The following PIEZO1 variants were observed in gnomAD, a reference collection of about 807,000 sequenced individuals.
The protein encoded by PIEZO1 is piezo-type mechanosensitive ion channel component 1.
Under a neutral mutation model 297.2 loss-of-function variants are expected in PIEZO1, and 296 were observed. The ratio of observed to expected loss-of-function variants is 1.00; its 90% CI spans 0.91 to 1.10. The LOEUF is 1.10. Among genes scored for constraint, PIEZO1 ranks in the 50% least tolerant of loss-of-function variants. The pLI is 0.00. For synonymous variants in PIEZO1, 2,427 were observed against 1,507.5 expected (o/e 1.61, Z -14.13); for missense variants, 5,018 against 3,455.5 (o/e 1.45, Z -11.34).
rs1436635750 is a variant in PIEZO1, at chr16:88,721,853, C to T, written c.5169G>A (p.Pro1723=). Residue 1723 remains proline, a synonymous_variant, in exon 37 of 51, where the codon CCG becomes CCA. Coordinates refer to ENST00000301015, the MANE Select transcript of PIEZO1 (RefSeq NM_001142864.4). ...TCATCCAGAAGCGCTTGCTGGGCCT[C>T]GGGATCGACAGCATGGCCCACAGGA... is the stretch of plus-strand genomic sequence containing the variant. ...LVFLWAMLSI[P]RPSKRFWMTA... 17 of 1,549,434 alleles carry T rather than the reference C, an allele frequency of 1.1e-5. No homozygotes were observed. Among genetic ancestry groups the T allele is most frequent in the African/African-American group, 2.7e-5 (2 of 73,030 alleles).
intron 2 of PIEZO1, among the ~76,000 whole-genome samples, chr16:88,747,711 G>A (rs755389260): frequency 6.6e-6 from 1 of 152,204 alleles, no homozygotes; most frequent in African/African-American, 2.4e-5. Context: ...ATGCAGAGGC[G>A]AGTCCAGGCA....
At chr16:88,757,321 G>GC (rs1244719486) in intron 1 of PIEZO1, among the ~76,000 whole-genome samples, 32 of 122,648 alleles carry the variant, frequency 2.6e-4, no homozygotes, top group African/African-American at 7.2e-4. Context: ...GTTGCTGGCG[G>GC]GGGGGTGGGG....
In PIEZO1 at chr16:88,742,281, C is replaced by T. The variant is rs1346548655; in HGVS notation, c.283+19G>A. 5.9e-6 allele frequency: 9 copies of T among 1,527,254 alleles called. No homozygotes were observed. The highest frequency in any genetic ancestry group is 3.4e-4 in the Middle Eastern group (2 of 5,902). 94.6% of individuals were successfully genotyped at this position (1,527,254 alleles called of 1,614,324 possible). On this transcript the variant is annotated intron_variant, in intron 3 of 50. Coordinates refer to ENST00000301015, the MANE Select transcript of PIEZO1 (RefSeq NM_001142864.4). ...ACCCCCAGGATGGCTATCCCTACCCCGCCCCCTCAGCGACTCACAGCTGGG... is the reference window on the plus strand; with the variant it reads ...ACCCCCAGGATGGCTATCCCTACCCTGCCCCCTCAGCGACTCACAGCTGGG...
rs1037053318 is a variant in PIEZO1, at chr16:88,721,671, T to A, written c.5270A>T (p.His1757Leu). ...GTTCTCGTAGCGCCGCAGCACCACG[T>A]GGCTGTTCCAGGGGAAGAACCCAAA... ...FQFGFFPWNS[H>L]VVLRRYENKP... is the part of the protein sequence containing the mutation. The change falls in exon 38 of 51, where the codon CAC (histidine) becomes CTC (leucine). Residue 1757 changes from histidine (H) to leucine (L), a missense_variant. His to Leu is a moderately conservative substitution (Grantham distance 99). Transcript: ENST00000301015. The A allele has an allele frequency of 1.3e-6, 2 of 1,549,722 alleles. No individual in the cohort carries two copies. The highest frequency in any genetic ancestry group is 2.4e-5 in the East Asian group (1 of 40,888).
At chr16:88,747,688 C>T (rs544475735) in intron 2 of PIEZO1, among the ~76,000 whole-genome samples, 78 of 152,330 alleles carry the variant, frequency 5.1e-4, no homozygotes, top group Non-Finnish European at 9.7e-4. Flanking sequence ...AATCTGTGAA[C>T]GCAGAAGCTC....
intron 22 of PIEZO1, 194 bp downstream of exon 22, chr16:88,731,512 G>A (rs889134431): frequency 3.4e-6 from 2 of 587,824 alleles, no homozygotes; most frequent in Non-Finnish European, 6.1e-6. Context: ...GAGCCTGGAG[G>A]GGGCCAGGCC....
In PIEZO1 at chr16:88,719,894, G is replaced by A. The variant is rs142188206; in HGVS notation, c.6231C>T (p.Ser2077=). 1.6e-4 allele frequency: 250 copies of A among 1,550,442 alleles called. No individual in the cohort carries two copies. In the East Asian group the frequency reaches 2.9e-3, roughly 18 times the overall value. ...YFVKCIYFAL[S]AYQIRCGYPT... is the part of the protein sequence containing the mutation. The stretch of plus-strand genomic sequence containing the variant: ...GGTAGCCGCAGCGGATCTGGTAGGC[G>A]GACAGGGCGAAGTAGATGCACTTCA... Residue 2077 remains serine (S), a synonymous_variant, in exon 43 of 51, where the codon TCC becomes TCT. Transcript: ENST00000301015.
rs1341740397 is a variant in PIEZO1, at chr16:88,733,697, G to C, written c.2378C>G (p.Ala793Gly). Residue 793 changes from alanine (A) to glycine (G), a missense_variant, in exon 18 of 51, where the codon GCC (alanine) becomes GGC (glycine). Physicochemically the swap from Ala to Gly is moderately conservative, Grantham distance 60. Coordinates refer to ENST00000301015, the MANE Select transcript of PIEZO1 (RefSeq NM_001142864.4). ...GCGTGAGAGGACGTCCGAGAAGCCG[G>C]CTGCCAGCTCCAGCAGCCGCTCAGC... ...LVAERLLELA[A>G]GFSDVLSRVQ... The C allele has an allele frequency of 1.9e-6, 3 of 1,548,786 alleles. No homozygotes were observed. The highest frequency in any genetic ancestry group is 2.0e-5 in the Admixed American group (1 of 50,770).
intron 1 of PIEZO1, among the ~76,000 whole-genome samples, chr16:88,752,350 T>G (rs1385379102): frequency 1.3e-5 from 2 of 151,840 alleles, no homozygotes; most frequent in African/African-American, 4.8e-5. Context: ...GGGATGATGG[T>G]GCATGCCTGT....
chr16:88,746,030 G>T (rs1036298137), intron 2 of PIEZO1, among the ~76,000 whole-genome samples: 33 of 152,352 alleles, frequency 2.2e-4, no homozygotes, highest in African/African-American at 7.9e-4. Context: ...GAGTTGCCCT[G>T]AGTCTGATCC....
At chr16:88,778,318 C>T (rs576013524) in intron 1 of PIEZO1, among the ~76,000 whole-genome samples, 2 of 152,264 alleles carry the variant, frequency 1.3e-5, no homozygotes, top group South Asian at 2.1e-4. Context: ...GTGGCTGAGG[C>T]GGCTGCTGTC....
intron 15 of PIEZO1, 47 bp from the exon 16 acceptor site, chr16:88,734,585 C>T: frequency 6.5e-7 from 1 of 1,546,730 alleles, no homozygotes; most frequent in Non-Finnish European, 8.7e-7. Context: ...GGCAGAGCCG[C>T]TGCAGCCCCG....
chr16:88,715,411 C>A lies in PIEZO1; in HGVS notation c.*194G>T. 1 of 942,366 alleles carries A rather than the reference C, an allele frequency of 1.1e-6. No homozygotes were observed. 58.4% of individuals were successfully genotyped at this position (942,366 alleles called of 1,614,324 possible). ...ACTCTACAGTACACGTGGGGGACGG[C>A]AGCGCCACGCAGGCCGTGGGGACGC... On this transcript the variant is annotated 3_prime_UTR_variant, in exon 51 of 51. Transcript: ENST00000301015.
chr16:88,726,107 A>T, intron 27 of PIEZO1, 177 bp downstream of exon 27: 1 of 609,596 alleles, frequency 1.6e-6, no homozygotes, highest in Non-Finnish European at 2.9e-6. Flanking sequence ...ACTGGGGCAG[A>T]GTGTGATGGT....
chr16:88,754,993 G>A (rs984210654), intron 1 of PIEZO1, among the ~76,000 whole-genome samples: 3 of 152,252 alleles, frequency 2.0e-5, no homozygotes, highest in African/African-American at 7.2e-5. Flanking sequence ...CACCTGTTGC[G>A]CCCCAGGGAG....
chr16:88,736,930 A>C (rs1905260723), intron 10 of PIEZO1, 191 bp from the exon 11 acceptor site: 1 of 489,662 alleles, frequency 2.0e-6, no homozygotes, highest in East Asian at 3.6e-5. Flanking sequence ...TGGCCCTGCC[A>C]GCACCTGCCG....
At chr16:88,751,486 C>T (rs564064779) in intron 1 of PIEZO1, among the ~76,000 whole-genome samples, 1 of 152,318 alleles carries the variant, frequency 6.6e-6, no homozygotes, top group South Asian at 2.1e-4. Context: ...CTCGGCTTAG[C>T]GCACACATCG....
chr16:88,773,644 T>A (rs1597487787), intron 1 of PIEZO1, among the ~76,000 whole-genome samples: 1 of 150,314 alleles, frequency 6.7e-6, no homozygotes, highest in African/African-American at 2.5e-5. Flanking sequence ...GCCTATTGGG[T>A]GACAGGCAGG....
chr16:88,749,631 G>A (rs576942753), intron 1 of PIEZO1, among the ~76,000 whole-genome samples, 152 bp from the exon 2 acceptor site: 105 of 152,222 alleles, frequency 6.9e-4, no homozygotes, highest in Non-Finnish European at 1.3e-3. Flanking sequence ...GCCGCCTCGC[G>A]CTTCCGTACA....
Sources: gnomAD v4.1 joint callset for allele counts (sites outside exome capture counted in the v4.1 genomes callset) on GRCh38, gnomAD v4.1.1 for gene constraint, MANE v1.5 for transcripts, NCBI Gene and HGNC (gene_info 2026-07-23, HGNC 2026-07-21) for gene names.